The following SGMS1 variants were observed in gnomAD, a reference collection of about 807,000 sequenced individuals.
SGMS1 encodes the protein phosphatidylcholine:ceramide cholinephosphotransferase 1.
SGMS1 carries 13 observed loss-of-function variants against 46.2 expected under a neutral mutation model. That is an observed-to-expected ratio of 0.28 (90% CI 0.18 to 0.45). The LOEUF is 0.45. SGMS1 is among the 20% of genes least tolerant of loss of function. The pLI, the probability that SGMS1 is intolerant of heterozygous loss-of-function variation, is 1.00. For synonymous variants in SGMS1, 203 were observed against 187.8 expected (o/e 1.08, Z -0.66); for missense variants, 324 against 519.9 (o/e 0.62, Z 3.66).
rs1056846876 is a variant in SGMS1 at position 50,487,968 on chromosome 10, T to A, written c.-497-21036A>T. Among the ~76,000 whole-genome samples the A allele has an allele frequency of 2.0e-5, 3 of 150,390 alleles. No individual in the cohort carries two copies. The East Asian group carries it at 5.8e-4, about 29-fold the overall frequency. On this transcript the variant is annotated intron_variant, in intron 3 of 10. Transcript: ENST00000361781. ...ACATGTTTTTGAGGATATTTCCTGATTTTTATTTTGTTTTTATTTTATTTA... is the reference window on the plus strand; with the variant it reads ...ACATGTTTTTGAGGATATTTCCTGAATTTTATTTTGTTTTTATTTTATTTA...
intron 2 of SGMS1, among the ~76,000 whole-genome samples, chr10:50,549,126 G>A (rs1564429358): frequency 1.3e-5 from 2 of 152,236 alleles, no homozygotes; most frequent in Non-Finnish European, 2.9e-5. Flanking sequence ...CATTGTGGAA[G>A]ACAGTGTGGT....
intron 7 of SGMS1, chr10:50,342,411 T>A (rs1279351217): frequency 6.6e-6 from 1 of 152,204 alleles, no homozygotes; most frequent in Non-Finnish European, 1.5e-5. Context: ...ATGGCTTTCT[T>A]TATACCAGTT....
At chr10:50,566,871 A>G (rs182082825) in intron 2 of SGMS1, among the ~76,000 whole-genome samples, 4 of 152,362 alleles carry the variant, frequency 2.6e-5, no homozygotes, top group Non-Finnish European at 5.9e-5. Context: ...TTACTTATCA[A>G]TCCTAACACA....
chr10:50,560,330 T>G (rs1258856500), intron 2 of SGMS1, among the ~76,000 whole-genome samples: 3 of 137,674 alleles, frequency 2.2e-5, no homozygotes, highest in East Asian at 4.0e-4. Context: ...ATATTATATA[T>G]TATTAATATT....
At chr10:50,436,592 T>C (rs1338894979) in intron 5 of SGMS1, among the ~76,000 whole-genome samples, 5 of 152,230 alleles carry the variant, frequency 3.3e-5, no homozygotes, top group Non-Finnish European at 5.9e-5. Flanking sequence ...AGCCCAGCAC[T>C]TCCTAATCGT....
intron 2 of SGMS1, among the ~76,000 whole-genome samples, chr10:50,565,026 T>C (rs936147814): frequency 2.0e-4 from 31 of 152,110 alleles, no homozygotes; most frequent in Admixed American, 1.8e-3. Context: ...CATTTGAGGG[T>C]TGGGGGAAGG....
At chr10:50,622,856 C>A (rs933259034) in intron 1 of SGMS1, among the ~76,000 whole-genome samples, 2 of 152,250 alleles carry the variant, frequency 1.3e-5, no homozygotes, top group Non-Finnish European at 2.9e-5. Context: ...ACGCCACAAG[C>A]CCGAGTTCGG....
intron 7 of SGMS1, among the ~76,000 whole-genome samples, chr10:50,339,357 C>A (rs547305292): frequency 6.6e-6 from 1 of 152,296 alleles, no homozygotes; most frequent in Admixed American, 6.5e-5. Context: ...CTACTCTTCC[C>A]CAAACACATG....
At chr10:50,404,311 ATT>A (rs534874395) in intron 6 of SGMS1, among the ~76,000 whole-genome samples, 2 of 142,842 alleles carry the variant, frequency 1.4e-5, no homozygotes, top group Admixed American at 7.0e-5. Context: ...TTTTGTTTTG[ATT>A]TTTTTTTTTT....
At chr10:50,538,103 T>A (rs1838019681) in intron 2 of SGMS1, among the ~76,000 whole-genome samples, 1 of 142,712 alleles carries the variant, frequency 7.0e-6, no homozygotes, top group Admixed American at 7.4e-5. Context: ...GATCCTGCTC[T>A]GGAAATACAG....
chr10:50,454,391 C>T (rs1172882572), intron 5 of SGMS1, among the ~76,000 whole-genome samples: 6 of 151,910 alleles, frequency 3.9e-5, no homozygotes, highest in African/African-American at 1.5e-4. Context: ...AATAGACTAG[C>T]CTGTGGTAAA....
chr10:50,511,341 A>G (rs1837753584), intron 3 of SGMS1, among the ~76,000 whole-genome samples: 2 of 151,936 alleles, frequency 1.3e-5, no homozygotes, highest in Admixed American at 1.3e-4. Context: ...TTAAAACACA[A>G]TCTGGTTAAG....
intron 2 of SGMS1, among the ~76,000 whole-genome samples, chr10:50,541,693 G>A (rs1444729990): frequency 6.6e-6 from 1 of 152,200 alleles, no homozygotes; most frequent in East Asian, 1.9e-4. Context: ...GCCCCTGGCT[G>A]AGCCACCCAC....
chr10:50,382,176 A>G (rs1387159088), intron 6 of SGMS1, among the ~76,000 whole-genome samples: 1 of 152,206 alleles, frequency 6.6e-6, no homozygotes, highest in Non-Finnish European at 1.5e-5. Context: ...TTTAATTGAC[A>G]GCTGACCTGT....
At chr10:50,624,693 T>C (rs1430982330), upstream of SGMS1, 4 of 985,238 alleles carry the variant, frequency 4.1e-6, no homozygotes, top group African/African-American at 7.0e-5. Flanking sequence ...TAGCCCCACG[T>C]GGTGCAAGTC....
At chr10:50,554,532 C>T (rs1838174620) in intron 2 of SGMS1, among the ~76,000 whole-genome samples, 1 of 152,250 alleles carries the variant, frequency 6.6e-6, no homozygotes, top group Middle Eastern at 3.4e-3. Flanking sequence ...CCTGCTAGTG[C>T]AAGTGGGAAG....
chr10:50,448,976 A>G (rs533588734), intron 5 of SGMS1, among the ~76,000 whole-genome samples: 1 of 152,318 alleles, frequency 6.6e-6, no homozygotes, highest in East Asian at 1.9e-4. Flanking sequence ...ATAATATATC[A>G]TCAGGGAAAC....
At position 50,307,840 on chromosome 10, in the gene SGMS1, C is replaced by A; in HGVS notation, c.1062+142G>T. ...TCTTAATTCTGAAGAGAATCAATGT[C>A]ACAAAAAAACAATACAATCTTAGTT... On this transcript the variant is annotated intron_variant, in intron 10 of 10. Transcript: ENST00000361781. This position sits in a 1 kb window ranked among gnomAD's most constrained non-coding sequence, Gnocchi z 4.2. The A allele has an allele frequency of 1.4e-6, 1 of 740,346 alleles. No individual in the cohort carries two copies. Among genetic ancestry groups the A allele is most frequent in the South Asian group, 1.8e-5 (1 of 54,310 alleles). 45.9% of individuals were successfully genotyped at this position (740,346 alleles called of 1,614,324 possible).
chr10:50,399,280 C>T (rs925535044), intron 6 of SGMS1, among the ~76,000 whole-genome samples: 1 of 152,034 alleles, frequency 6.6e-6, no homozygotes, highest in African/African-American at 2.4e-5. Flanking sequence ...ATCCCTGTAC[C>T]TTCTAATAAT....
Sources: allele counts gnomAD v4.1 joint callset (sites outside exome capture counted in the v4.1 genomes callset), GRCh38; gene constraint gnomAD v4.1.1; non-coding constraint Gnocchi (gnomAD v3.1); transcripts MANE v1.5; gene names NCBI Gene and HGNC (gene_info 2026-07-23, HGNC 2026-07-21).